Variants in NFYC observed in about 807,000 individuals in gnomAD.
The protein encoded by NFYC is CAAT box DNA-binding protein subunit C.
Under a neutral mutation model 53.1 loss-of-function variants are expected in NFYC, and 25 were observed. That is an observed-to-expected ratio of 0.47 (90% confidence interval 0.34 to 0.66). The LOEUF (loss-of-function observed/expected upper bound fraction) is 0.66, where lower values mean the gene tolerates loss of function less well. Among genes scored for constraint, NFYC ranks in the 30% least tolerant of loss-of-function variants. The probability of loss-of-function intolerance (pLI) is 0.01; values close to 1 mark genes in which losing one functional copy is unlikely to be tolerated. For missense variants in NFYC, 260 were observed against 422.7 expected (o/e 0.62, Z 3.38); for synonymous variants, 145 against 152.6 (o/e 0.95, Z 0.37).
intron 1 of NFYC, among the ~76,000 whole-genome samples, chr1:40,699,677 T>G (rs1255614604): frequency 1.3e-5 from 2 of 152,186 alleles, no homozygotes; most frequent in African/African-American, 4.8e-5. Context: ...CGCCATAATG[T>G]GTGTAAAACT....
chr1:40,738,761 A>G, intron 1 of NFYC, 75 bp from the exon 2 acceptor site: 2 of 1,047,230 alleles, frequency 1.9e-6, no homozygotes, highest in Non-Finnish European at 2.9e-6. Context: ...ATCCACAAAT[A>G]TACAAATGCC....
chr1:40,753,510 A>G (rs762980121), intron 5 of NFYC, among the ~76,000 whole-genome samples: 4 of 152,264 alleles, frequency 2.6e-5, no homozygotes, highest in African/African-American at 9.6e-5. Flanking sequence ...GCTCATTTCA[A>G]GTTATCTTAG....
intron 4 of NFYC, among the ~76,000 whole-genome samples, chr1:40,751,314 C>T (rs1645900938): frequency 6.6e-6 from 1 of 152,216 alleles, no homozygotes; most frequent in Non-Finnish European, 1.5e-5. Flanking sequence ...TTATTACCAC[C>T]TATAGTGATA....
chr1:40,710,620 T>C (rs1057017110), intron 1 of NFYC, among the ~76,000 whole-genome samples: 21 of 152,206 alleles, frequency 1.4e-4, no homozygotes, highest in Non-Finnish European at 2.6e-4. Flanking sequence ...AGACTCAGTG[T>C]GGAGCCGTCA....
chr1:40,766,730 G>T (rs186709471), intron 8 of NFYC, 27 bp downstream of exon 8: 827 of 1,601,684 alleles, frequency 5.2e-4, no homozygotes, highest in Non-Finnish European at 6.8e-4. Flanking sequence ...CACAAGGCCT[G>T]TGTTGGAGAC....
chr1:40,694,063 T>G (rs185971131), intron 1 of NFYC, among the ~76,000 whole-genome samples: 26 of 152,282 alleles, frequency 1.7e-4, no homozygotes, highest in African/African-American at 6.3e-4. Context: ...AGAATCTGCA[T>G]TCCTTAAAAC....
chr1:40,763,093 T>C lies in NFYC; in HGVS notation c.720+47T>C, dbSNP rs1487224700. ...GTCTTTACAACTTTATAGAAGGAAATACTTAAAGATATATATACCTTGATA... is the reference window on the plus strand; with the variant it reads ...GTCTTTACAACTTTATAGAAGGAAACACTTAAAGATATATATACCTTGATA... On this transcript the variant is annotated intron_variant, in intron 7 of 9. Coordinates refer to ENST00000447388, the MANE Select transcript of NFYC (RefSeq NM_014223.5). 7 of 1,457,810 alleles carry C rather than the reference T, an allele frequency of 4.8e-6. No homozygotes were observed. In the Admixed American group the frequency reaches 1.4e-4, roughly 30 times the overall value. 90.3% of individuals were successfully genotyped at this position (1,457,810 alleles called of 1,614,324 possible).
chr1:40,728,946 T>C (rs1479798498), intron 1 of NFYC, among the ~76,000 whole-genome samples: 1 of 152,188 alleles, frequency 6.6e-6, no homozygotes, highest in Non-Finnish European at 1.5e-5. Context: ...CCTCCATCAG[T>C]TTTTGGATGA....
At chr1:40,769,105 T>G in intron 8 of NFYC, 1 of 443,284 alleles carries the variant, frequency 2.3e-6, no homozygotes, top group Non-Finnish European at 4.2e-6. Flanking sequence ...AGGCATTCAT[T>G]AGAGAGATGG....
At chr1:40,748,024 C>A (rs1489688283) in intron 3 of NFYC, among the ~76,000 whole-genome samples, 2 of 151,946 alleles carry the variant, frequency 1.3e-5, no homozygotes, top group Non-Finnish European at 2.9e-5. Flanking sequence ...TTTGTAGAGA[C>A]AGGGTTTCAC....
At chr1:40,759,231 A>G (rs944224042) in intron 6 of NFYC, among the ~76,000 whole-genome samples, 4 of 115,582 alleles carry the variant, frequency 3.5e-5, no homozygotes, top group African/African-American at 5.2e-5. Context: ...CTCTTCTTTA[A>G]TTAAAAAAAA....
At chr1:40,750,246 G>A (rs530950316) in intron 4 of NFYC, among the ~76,000 whole-genome samples, 42 of 151,866 alleles carry the variant, frequency 2.8e-4, no homozygotes, top group Non-Finnish European at 4.7e-4. Context: ...TCACCCTATA[G>A]CCAAGCCCTG....
chr1:40,720,209 A>T (rs1186774182), intron 1 of NFYC, among the ~76,000 whole-genome samples: 1 of 152,316 alleles, frequency 6.6e-6, no homozygotes, highest in East Asian at 1.9e-4. Context: ...AAGAATTCAC[A>T]GTGTATCTGA....
chr1:40,701,819 C>T (rs1462985733), intron 1 of NFYC, among the ~76,000 whole-genome samples: 1 of 152,020 alleles, frequency 6.6e-6, no homozygotes, highest in Non-Finnish European at 1.5e-5. Context: ...TTTCCTAAGC[C>T]CTAAAACCTT....
At chr1:40,738,171 G>A (rs942239191) in intron 1 of NFYC, among the ~76,000 whole-genome samples, 1 of 152,088 alleles carries the variant, frequency 6.6e-6, no homozygotes, top group African/African-American at 2.4e-5. Flanking sequence ...CAAAGTGCTG[G>A]GATTACAGGC....
chr1:40,693,550 G>A (rs958333327), intron 1 of NFYC, among the ~76,000 whole-genome samples: 7 of 152,210 alleles, frequency 4.6e-5, no homozygotes, highest in African/African-American at 1.7e-4. Context: ...GAATTGATAA[G>A]TAGCAGAGGA....
intron 2 of NFYC, among the ~76,000 whole-genome samples, chr1:40,739,398 T>C (rs1645220930): frequency 6.6e-6 from 1 of 152,194 alleles, no homozygotes; most frequent in African/African-American, 2.4e-5. Context: ...AAGATATACT[T>C]TGATCGCAGT....
chr1:40,740,595 C>G (rs1217936629), intron 2 of NFYC, among the ~76,000 whole-genome samples: 7 of 152,154 alleles, frequency 4.6e-5, no homozygotes, highest in African/African-American at 1.7e-4. Context: ...GTCATTGTTC[C>G]TCTTCTGCAG....
intron 1 of NFYC, among the ~76,000 whole-genome samples, chr1:40,712,105 G>A (rs958308914): frequency 9.2e-5 from 14 of 152,260 alleles, no homozygotes; most frequent in South Asian, 2.1e-4. Context: ...CAGACTATTT[G>A]GGGGATGAAA....
Sources: gnomAD v4.1 joint callset for allele counts (sites outside exome capture counted in the v4.1 genomes callset) on GRCh38, gnomAD v4.1.1 for gene constraint, MANE v1.5 for transcripts, NCBI Gene and HGNC (gene_info 2026-07-23, HGNC 2026-07-21) for gene names.